Variants in ANOS1 observed in about 807,000 individuals in gnomAD.
ANOS1 encodes the protein anosmin 1, also known as anosmin-1.
ANOS1 carries 6 observed loss-of-function variants against 59.0 expected under a neutral mutation model. That is an observed-to-expected ratio of 0.10 (90% CI 0.06 to 0.20). ANOS1 has a LOEUF of 0.20. ANOS1 is among the 10% of genes least tolerant of loss of function. The pLI is 1.00. For synonymous variants in ANOS1, 217 were observed against 223.4 expected (o/e 0.97, Z 0.25); for missense variants, 433 against 542.3 (o/e 0.80, Z 2.00).
chrX:8,635,629 T>C (rs1225698253), intron 2 of ANOS1, among the ~76,000 whole-genome samples: 1 of 111,841 alleles, frequency 8.9e-6, no homozygotes, highest in African/African-American at 3.3e-5. Flanking sequence ...TCTGGGAAAA[T>C]AAAAATGCAT....
intron 7 of ANOS1, among the ~76,000 whole-genome samples, chrX:8,569,443 T>G (rs60729262): frequency 1.3e-4 from 15 of 111,231 alleles, no homozygotes; most frequent in Middle Eastern, 4.2e-3. Flanking sequence ...GAGATAGAGA[T>G]CATCCTGGCT....
intron 8 of ANOS1, among the ~76,000 whole-genome samples, chrX:8,563,104 G>T (rs777294238): frequency 4.5e-5 from 5 of 111,966 alleles, no homozygotes; most frequent in Non-Finnish European, 9.4e-5. Context: ...TACATAATCC[G>T]TTGAAAAGTC....
At chrX:8,679,643 G>T (rs540726083) in intron 2 of ANOS1, among the ~76,000 whole-genome samples, 1 of 110,793 alleles carries the variant, frequency 9.0e-6, no homozygotes, top group Non-Finnish European at 1.9e-5. Flanking sequence ...GCTGAGGGAG[G>T]GGGAAATGAG....
intron 3 of ANOS1, among the ~76,000 whole-genome samples, chrX:8,621,752 T>A (rs1912302227): frequency 9.0e-6 from 1 of 111,488 alleles, no homozygotes; most frequent in Non-Finnish European, 1.9e-5. Flanking sequence ...GTAAGTTGGT[T>A]TTGCAGTTAG....
At chrX:8,682,947 T>C (rs954910707) in intron 2 of ANOS1, among the ~76,000 whole-genome samples, 3 of 111,584 alleles carry the variant, frequency 2.7e-5, no homozygotes, top group Non-Finnish European at 5.6e-5. Context: ...GGAATCCTCT[T>C]AGAAATGCAG....
At chrX:8,651,429 A>G (rs1931849206) in intron 2 of ANOS1, among the ~76,000 whole-genome samples, 1 of 112,118 alleles carries the variant, frequency 8.9e-6, no homozygotes, top group South Asian at 3.8e-4. Flanking sequence ...CAAAACTGTT[A>G]CCTCATCGAT....
At chrX:8,715,519 T>C (rs1164610451) in intron 1 of ANOS1, among the ~76,000 whole-genome samples, 3 of 106,699 alleles carry the variant, frequency 2.8e-5, no homozygotes, top group African/African-American at 6.9e-5. Context: ...ACTCAAGTGA[T>C]CCTCCCATCT....
chrX:8,667,315 G>A (rs1168884989), intron 2 of ANOS1, among the ~76,000 whole-genome samples: 2 of 109,669 alleles, frequency 1.8e-5, no homozygotes, highest in African/African-American at 6.7e-5. Context: ...TTTTGCGGGG[G>A]GATGGGGGTG....
intron 2 of ANOS1, among the ~76,000 whole-genome samples, chrX:8,641,290 T>C (rs1348695522): frequency 8.9e-6 from 1 of 111,847 alleles, no homozygotes; most frequent in Non-Finnish European, 1.9e-5. Flanking sequence ...GCCAACTATC[T>C]AGCTCACCCT....
chrX:8,685,621 A>G (rs902136324), intron 2 of ANOS1, among the ~76,000 whole-genome samples: 9 of 101,254 alleles, frequency 8.9e-5, no homozygotes, highest in African/African-American at 1.5e-4. Context: ...AGAAAGAAAG[A>G]AAGAAAGAAA....
intron 1 of ANOS1, among the ~76,000 whole-genome samples, chrX:8,704,114 C>T (rs1932769644): frequency 9.0e-6 from 1 of 111,595 alleles, no homozygotes; most frequent in Admixed American, 9.6e-5. Context: ...CTCTTGCCTG[C>T]CACCATTTAA....
chrX:8,633,637 TTAAC>T (rs1265728927), intron 2 of ANOS1, among the ~76,000 whole-genome samples: 2 of 111,423 alleles, frequency 1.8e-5, no homozygotes, highest in African/African-American at 6.5e-5. Context: ...AGAGCGCACC[TTAAC>T]AAAAGGATCA....
Position 8,664,437 on chromosome X carries a change from C to T in ANOS1, c.255+35261G>A, listed in dbSNP as rs1231984170. On this transcript the variant is annotated intron_variant, in intron 2 of 13. Transcript: ENST00000262648. ...CTCAATCTCCTGACCTCGTGATCCG[C>T]CCACCTTGGCCTCCCAAAGTGCTGG... Among the ~76,000 whole-genome samples, 8 of 110,712 alleles carry T rather than the reference C, an allele frequency of 7.2e-5. No homozygotes were observed. In the East Asian group the frequency reaches 1.7e-3, roughly 24 times the overall value.
At chrX:8,583,845 T>C (rs1170609531) in intron 6 of ANOS1, among the ~76,000 whole-genome samples, 1 of 111,916 alleles carries the variant, frequency 8.9e-6, no homozygotes, top group Non-Finnish European at 1.9e-5. Flanking sequence ...GATTATAAGT[T>C]GCTCCGATAT....
chrX:8,577,171 G>C (rs1308321835), intron 6 of ANOS1, among the ~76,000 whole-genome samples: 1 of 112,113 alleles, frequency 8.9e-6, no homozygotes, highest in African/African-American at 3.2e-5. Flanking sequence ...CTCGACATGA[G>C]CACTGTTTAT....
intron 1 of ANOS1, among the ~76,000 whole-genome samples, chrX:8,707,803 C>T (rs771114958): frequency 1.8e-5 from 2 of 112,027 alleles, no homozygotes; most frequent in African/African-American, 6.5e-5. Flanking sequence ...ATCCTGAAAC[C>T]CTTAGGGTGC....
rs1183612461 is a variant in ANOS1, at chrX:8,732,110, T to C, written c.-74A>G. 1.3e-6 allele frequency: 1 copy of C among 770,743 alleles called. No homozygotes were observed. The highest frequency in any genetic ancestry group is 5.6e-5 in the East Asian group (1 of 17,924). 63.5% of individuals were successfully genotyped at this position (770,743 alleles called of 1,213,427 possible). A position where few individuals can be genotyped will look rare whatever the true frequency, so the allele number is the denominator to read the frequency against. ...TCCCTGCTCCGCGCCGGGGCTGCAC[T>C]GCTGAGGACCAGGCAGACGCCGCGA... On this transcript the variant is annotated 5_prime_UTR_variant, in exon 1 of 14. Transcript: ENST00000262648.
chrX:8,549,856 T>C (rs917648942), intron 9 of ANOS1, among the ~76,000 whole-genome samples: 1 of 112,183 alleles, frequency 8.9e-6, no homozygotes, highest in East Asian at 2.8e-4. Context: ...AAAACCAGTA[T>C]CCATTAACAA....
At chrX:8,704,036 T>C (rs937626596) in intron 1 of ANOS1, among the ~76,000 whole-genome samples, 4 of 110,254 alleles carry the variant, frequency 3.6e-5, no homozygotes, top group Non-Finnish European at 7.6e-5. Context: ...TTTTCCCATG[T>C]TATTCTCGTG....
Sources: allele counts gnomAD v4.1 joint callset (sites outside exome capture counted in the v4.1 genomes callset), GRCh38; gene constraint gnomAD v4.1.1; transcripts MANE v1.5; gene names NCBI Gene and HGNC (gene_info 2026-07-23, HGNC 2026-07-21).